The following KCNQ5 variants were observed in gnomAD, a reference collection of about 807,000 sequenced individuals.
The protein encoded by KCNQ5 is potassium voltage-gated channel subfamily KQT member 5.
A neutral mutation model predicts 98.2 loss-of-function variants in KCNQ5; 30 were observed. The observed-to-expected ratio is 0.31, with a 90% CI of 0.23 to 0.41. KCNQ5 has a LOEUF of 0.41. Ranked by LOEUF, KCNQ5 falls within the 10% of genes least tolerant of loss-of-function variation. The pLI is 1.00. For synonymous variants in KCNQ5, 458 were observed against 449.4 expected, an observed-to-expected ratio of 1.02 and a Z score of -0.24; for missense variants, 835 against 1,182.5, an observed-to-expected ratio of 0.71 and a Z score of 4.31.
At chr6:73,193,442 A>G (rs1582517385) in intron 13 of KCNQ5, among the ~76,000 whole-genome samples, 1 of 143,672 alleles carries the variant, frequency 7.0e-6, no homozygotes, top group Non-Finnish European at 1.5e-5. Flanking sequence ...CCTGACCAAC[A>G]TGGTGAAACC....
intron 1 of KCNQ5, among the ~76,000 whole-genome samples, chr6:72,641,869 A>G (rs1339290369): frequency 6.6e-6 from 1 of 151,814 alleles, no homozygotes; most frequent in Non-Finnish European, 1.5e-5. Context: ...TATCTGAGAC[A>G]CTTTTGAGAC....
chr6:72,742,373 AT>A (rs1377707189), intron 1 of KCNQ5, among the ~76,000 whole-genome samples: 2 of 152,238 alleles, frequency 1.3e-5, no homozygotes, highest in Non-Finnish European at 2.9e-5. Flanking sequence ...TTCAAAGTTC[AT>A]AAGGGTTGCA....
chr6:73,072,443 C>A (rs1368259083), intron 3 of KCNQ5, among the ~76,000 whole-genome samples: 3 of 152,158 alleles, frequency 2.0e-5, no homozygotes, highest in African/African-American at 7.2e-5. Flanking sequence ...TTCAGATGTA[C>A]AATTGGCCTT....
chr6:72,813,946 A>G (rs986454631), intron 1 of KCNQ5, among the ~76,000 whole-genome samples: 5 of 152,098 alleles, frequency 3.3e-5, no homozygotes, highest in Non-Finnish European at 4.4e-5. Context: ...ATTTAGGAGC[A>G]GTGGCTGGAC....
chr6:72,708,286 T>G (rs1388060964), intron 1 of KCNQ5, among the ~76,000 whole-genome samples: 1 of 152,196 alleles, frequency 6.6e-6, no homozygotes, highest in Non-Finnish European at 1.5e-5. Flanking sequence ...AAGACATATT[T>G]TACATGTATT....
intron 5 of KCNQ5, among the ~76,000 whole-genome samples, chr6:73,091,765 G>GTTTT (rs35325800): frequency 0.87 from 132,205 of 151,834 alleles, 58,234 homozygotes; most frequent in South Asian, 0.96. Flanking sequence ...GTTTTTTGTT[G>GTTTT]GTTTATTTGT....
chr6:72,880,344 T>C (rs1262339373), intron 1 of KCNQ5, among the ~76,000 whole-genome samples: 1 of 152,198 alleles, frequency 6.6e-6, no homozygotes, highest in East Asian at 1.9e-4. Context: ...TCTAGCTATG[T>C]CCTCACATGG....
chr6:73,154,887 A>AAAAAC (rs1352679043), intron 10 of KCNQ5, among the ~76,000 whole-genome samples: 5 of 151,658 alleles, frequency 3.3e-5, no homozygotes, highest in African/African-American at 9.7e-5. Context: ...GAATGATCAC[A>AAAAAC]AAAACAAAAC....
In KCNQ5 at chr6:73,198,746, G is replaced by T. The variant is rs972896714; in HGVS notation, c.*3332G>T. ...TCTGTTTCCTGAAAACAAATAAATC[G>T]GGAACACCATATCCATTTCAAGCTA... On this transcript the variant is annotated 3_prime_UTR_variant, in exon 14 of 14. Transcript: ENST00000370398. The T allele has an allele frequency of 7.2e-5, 11 of 152,210 alleles. No individual in the cohort carries two copies. Among genetic ancestry groups the T allele is most frequent in the African/African-American group, 2.2e-4 (9 of 41,526 alleles). 9.4% of individuals were successfully genotyped at this position (152,210 alleles called of 1,614,324 possible). A position where few individuals can be genotyped will look rare whatever the true frequency, so the allele number is the denominator to read the frequency against.
chr6:72,789,007 C>G (rs1321010635), intron 1 of KCNQ5, among the ~76,000 whole-genome samples: 1 of 152,114 alleles, frequency 6.6e-6, no homozygotes, highest in Non-Finnish European at 1.5e-5. Context: ...CTTTAAATAC[C>G]AATGCCAAGC....
intron 1 of KCNQ5, among the ~76,000 whole-genome samples, chr6:72,809,887 C>T (rs373373544): frequency 6.6e-5 from 10 of 152,158 alleles, no homozygotes; most frequent in Non-Finnish European, 1.3e-4. Flanking sequence ...ACCAATGGAT[C>T]CAATGAACAC....
intron 1 of KCNQ5, among the ~76,000 whole-genome samples, chr6:72,651,127 A>G (rs925921589): frequency 6.6e-6 from 1 of 152,122 alleles, no homozygotes; most frequent in Non-Finnish European, 1.5e-5. Flanking sequence ...ATTTGTTCAT[A>G]TATTTAACAT....
intron 3 of KCNQ5, among the ~76,000 whole-genome samples, chr6:73,061,492 T>C (rs561489147): frequency 6.6e-6 from 1 of 152,286 alleles, no homozygotes; most frequent in East Asian, 1.9e-4. Context: ...AATGGGCTCA[T>C]ATTATGTACA....
intron 1 of KCNQ5, chr6:72,987,224 C>T: frequency 2.9e-6 from 2 of 691,058 alleles, no homozygotes; most frequent in Admixed American, 3.6e-5. Flanking sequence ...AGAAAAAGAA[C>T]AAGAGGAAAG....
Position 73,133,527 on chromosome 6 carries a change from A to C in KCNQ5, c.1354A>C (p.Ile452Leu), listed in dbSNP as rs1776327387. ...VGDRRSPSTD[I>L]TAEGSPTKVQ... ...TGACAGGAGGTCCCCAAGCACCGAC[A>C]TCACAGCCGAGGGCAGTCCCACCAA... Residue 452 changes from isoleucine (I) to leucine (L), a missense_variant, in exon 10 of 14, where the codon ATC (isoleucine) becomes CTC (leucine). Ile to Leu is a conservative substitution (Grantham distance 5). Transcript: ENST00000370398. The C allele has an allele frequency of 1.9e-6, 3 of 1,614,112 alleles. No individual in the cohort carries two copies. The Admixed American group carries it at 5.0e-5, about 27-fold the overall frequency.
At chr6:72,731,496 G>A (rs560286474) in intron 1 of KCNQ5, among the ~76,000 whole-genome samples, 2 of 152,188 alleles carry the variant, frequency 1.3e-5, no homozygotes, top group African/African-American at 2.4e-5. Flanking sequence ...ACTAACTAAC[G>A]CATCTGTGAT....
chr6:73,120,466 A>G lies in KCNQ5; in HGVS notation c.1126-17A>G, dbSNP rs1775701643. ...TCTCTTTTTTCTTTTTCATGTCCCC[A>G]TCTATGCCACATGCAGTGTGTTTGG... On this transcript the variant is annotated splice_polypyrimidine_tract_variant and intron_variant, in intron 7 of 13. Coordinates refer to ENST00000370398, the MANE Select transcript of KCNQ5 (RefSeq NM_019842.4). 5.7e-6 allele frequency: 9 copies of G among 1,582,434 alleles called. No homozygotes were observed. Among genetic ancestry groups the G allele is most frequent in the Middle Eastern group, 1.7e-4 (1 of 5,998 alleles).
At chr6:73,192,253 T>C (rs975609042) in intron 12 of KCNQ5, among the ~76,000 whole-genome samples, 8 of 152,238 alleles carry the variant, frequency 5.3e-5, no homozygotes, top group Non-Finnish European at 7.3e-5. Context: ...ATTTTTGTCA[T>C]ATTTTGAAAT....
intron 1 of KCNQ5, among the ~76,000 whole-genome samples, chr6:72,653,021 C>T (rs1765952498): frequency 6.6e-6 from 1 of 152,068 alleles, no homozygotes; most frequent in African/African-American, 2.4e-5. Flanking sequence ...CAGACAATCA[C>T]AGGTATTCAG....
Sources: allele counts gnomAD v4.1 joint callset (sites outside exome capture counted in the v4.1 genomes callset), GRCh38; gene constraint gnomAD v4.1.1; transcripts MANE v1.5; gene names NCBI Gene and HGNC (gene_info 2026-07-23, HGNC 2026-07-21).